Variants in SERGEF observed in about 807,000 individuals in gnomAD.
The protein encoded by SERGEF is secretion-regulating guanine nucleotide exchange factor.
In SERGEF, 51 loss-of-function variants were observed where a neutral mutation model predicts 50.0. That is an observed-to-expected ratio of 1.02 (90% CI 0.81 to 1.29). The LOEUF (loss-of-function observed/expected upper bound fraction) is 1.29. SERGEF is among the 50% of genes most tolerant of loss of function. The pLI, the probability that SERGEF is intolerant of heterozygous loss-of-function variation, is 0.00. For missense variants in SERGEF, 521 were observed against 557.0 expected (o/e 0.94, Z 0.65); for synonymous variants, 205 against 212.4 (o/e 0.97, Z 0.30).
At chr11:18,005,538 CT>C (rs1426300850) in intron 3 of SERGEF, among the ~76,000 whole-genome samples, 5 of 152,178 alleles carry the variant, frequency 3.3e-5, no homozygotes, top group Admixed American at 3.3e-4. Context: ...GGAATCTGAG[CT>C]ATGTCTGGGA....
At chr11:17,911,757 A>C (rs1344050352) in intron 9 of SERGEF, among the ~76,000 whole-genome samples, 1 of 152,076 alleles carries the variant, frequency 6.6e-6, no homozygotes, top group Non-Finnish European at 1.5e-5. Flanking sequence ...CAAAGTGCTG[A>C]GATTATAGGC....
chr11:17,788,919 T>C (rs1366901139), intron 10 of SERGEF, among the ~76,000 whole-genome samples: 1 of 152,192 alleles, frequency 6.6e-6, no homozygotes, highest in South Asian at 2.1e-4. Flanking sequence ...TAATCACGTG[T>C]CACTCTGCTG....
intron 10 of SERGEF, among the ~76,000 whole-genome samples, chr11:17,826,941 A>AAGGATCAGGTAACCAGCCC (rs11267356): frequency 6.6e-6 from 1 of 152,134 alleles, no homozygotes; most frequent in Non-Finnish European, 1.5e-5. Flanking sequence ...CCTTGCTTAT[A>AAGGATCAGGTAACCAGCCC]AGGATCACAC....
At chr11:17,910,170 TACACACAC>T (rs143977376) in intron 9 of SERGEF, among the ~76,000 whole-genome samples, 3 of 147,878 alleles carry the variant, frequency 2.0e-5, no homozygotes, top group East Asian at 4.0e-4. Flanking sequence ...ATTTGCCACC[TACACACAC>T]ACACACACAC....
At chr11:17,920,052 C>T (rs1377391774) in intron 9 of SERGEF, among the ~76,000 whole-genome samples, 2 of 151,820 alleles carry the variant, frequency 1.3e-5, no homozygotes, top group East Asian at 1.9e-4. Context: ...TCGAGACTAT[C>T]CTGGCTAAAA....
At chr11:17,828,848 C>T (rs1239764670) in intron 10 of SERGEF, among the ~76,000 whole-genome samples, 1 of 152,140 alleles carries the variant, frequency 6.6e-6, no homozygotes, top group East Asian at 1.9e-4. Flanking sequence ...AGAGTCCCTA[C>T]AGGCTCATCA....
intron 9 of SERGEF, among the ~76,000 whole-genome samples, chr11:17,909,641 A>G (rs1462293813): frequency 6.6e-6 from 1 of 152,246 alleles, no homozygotes; most frequent in Non-Finnish European, 1.5e-5. Context: ...AGAGTCAAAT[A>G]AAGGACAAAC....
At chr11:17,999,639 C>CCACACGCCACCTCCCTGGCCCCCT (rs1853917421) in intron 5 of SERGEF, 1 of 444,918 alleles carries the variant, frequency 2.2e-6, no homozygotes, top group African/African-American at 2.0e-5. Context: ...CACCATTCTC[C>CCACACGCCACCTCCCTGGCCCCCT]CACACGCCAC....
intron 1 of SERGEF, chr11:18,012,535 G>C: frequency 8.8e-7 from 1 of 1,132,958 alleles, no homozygotes; most frequent in Non-Finnish European, 1.1e-6. Flanking sequence ...CTGGGACAGG[G>C]TCTCCCTCCT....
chr11:17,825,460 C>A (rs1156735304), intron 10 of SERGEF, among the ~76,000 whole-genome samples: 2 of 152,112 alleles, frequency 1.3e-5, no homozygotes, highest in African/African-American at 2.4e-5. Flanking sequence ...GAAAATGAAT[C>A]CCAATCACTC....
At chr11:17,825,137 T>A (rs1436465569) in intron 10 of SERGEF, among the ~76,000 whole-genome samples, 1 of 152,206 alleles carries the variant, frequency 6.6e-6, no homozygotes, top group African/African-American at 2.4e-5. Context: ...AAACATTTAC[T>A]GAGCATCTAC....
intron 10 of SERGEF, among the ~76,000 whole-genome samples, chr11:17,831,080 T>G (rs1341763829): frequency 6.6e-6 from 1 of 152,204 alleles, no homozygotes; most frequent in Non-Finnish European, 1.5e-5. Flanking sequence ...ACAAGGAAAC[T>G]GAGGTCCAGG....
At position 17,829,077 on chromosome 11, in the gene SERGEF, T is replaced by C. The variant is rs114597034; in HGVS notation, c.1049-40664A>G. On this transcript the variant is annotated intron_variant, in intron 10 of 10. Transcript: ENST00000265965. Reference sequence around the variant, plus strand: ...CCATGAATCAATCACAGAGGAAGTGTTTTCCAGTTAATATGGCACAAAGAA... The same window carrying C: ...CCATGAATCAATCACAGAGGAAGTGCTTTCCAGTTAATATGGCACAAAGAA... Among the ~76,000 whole-genome samples, 362 of 152,310 alleles carry C rather than the reference T, an allele frequency of 2.4e-3. 2 individuals carry two copies. The highest frequency in any genetic ancestry group is 8.2e-3 in the African/African-American group (342 of 41,566).
rs771304984 is a variant in SERGEF at position 17,959,515 on chromosome 11, C to A, written c.966G>T (p.Pro322=). 1 of 1,614,092 alleles carries A rather than the reference C, an allele frequency of 6.2e-7. No individual in the cohort carries two copies. The highest frequency in any genetic ancestry group is 1.7e-5 in the Admixed American group (1 of 60,020). ...QDSFLPCSRP[P]NSMPSSPHCL... is the part of the protein sequence containing the mutation. ...AATGCGGAGACGAAGGCATGCTGTTCGGTGGTCTTGAACAGGGGAGAAATG... is the reference window on the plus strand; with the variant it reads ...AATGCGGAGACGAAGGCATGCTGTTAGGTGGTCTTGAACAGGGGAGAAATG... The change falls in exon 9 of 11, where the codon CCG becomes CCT. Residue 322 remains proline, a synonymous_variant. Coordinates refer to ENST00000265965, the MANE Select transcript of SERGEF (RefSeq NM_012139.4).
chr11:17,896,691 G>A (rs1283720574), intron 9 of SERGEF, among the ~76,000 whole-genome samples: 1 of 59,498 alleles, frequency 1.7e-5, no homozygotes, highest in African/African-American at 5.0e-5. Flanking sequence ...GGAAGGGAAA[G>A]GGGAAGGGTA....
At chr11:17,963,689 A>G (rs777576451) in intron 8 of SERGEF, among the ~76,000 whole-genome samples, 1 of 152,160 alleles carries the variant, frequency 6.6e-6, no homozygotes, top group Non-Finnish European at 1.5e-5. Flanking sequence ...CCTGACGTCT[A>G]TTAGTAAAAT....
chr11:17,924,986 G>A (rs541000241), intron 9 of SERGEF, among the ~76,000 whole-genome samples: 3 of 152,176 alleles, frequency 2.0e-5, no homozygotes, highest in South Asian at 2.1e-4. Flanking sequence ...CTGGGATCCC[G>A]GCCAGCAATT....
Position 17,992,882 on chromosome 11 carries a change from A to G in SERGEF, c.685+49T>C, listed in dbSNP as rs764617078. The G allele has an allele frequency of 2.7e-6, 4 of 1,491,248 alleles. No individual in the cohort carries two copies. In the African/African-American group the frequency reaches 5.5e-5, roughly 21 times the overall value. 92.4% of individuals were successfully genotyped at this position (1,491,248 alleles called of 1,614,324 possible). A position where few individuals can be genotyped will look rare whatever the true frequency, so the allele number is the denominator to read the frequency against. On this transcript the variant is annotated intron_variant, in intron 7 of 10. Transcript: ENST00000265965. The stretch of plus-strand genomic sequence containing the variant: ...CAATATCACCACTTCAGGCAGTCAC[A>G]TACAGAATCCTGAATGGCATGTTAA...
At chr11:17,992,288 TA>T (rs1565225107) in intron 7 of SERGEF, among the ~76,000 whole-genome samples, 1 of 152,124 alleles carries the variant, frequency 6.6e-6, no homozygotes, top group African/African-American at 2.4e-5. Context: ...ACAGATTAGA[TA>T]TTACAAAGAT....
Sources: allele counts gnomAD v4.1 joint callset (sites outside exome capture counted in the v4.1 genomes callset), GRCh38; gene constraint gnomAD v4.1.1; transcripts MANE v1.5; gene names NCBI Gene and HGNC (gene_info 2026-07-23, HGNC 2026-07-21).